Variants in CPS1 observed in about 807,000 individuals in gnomAD.
The protein encoded by CPS1 is carbamoyl-phosphate synthase [ammonia], mitochondrial.
Under a neutral mutation model 174.6 loss-of-function variants are expected in CPS1, and 109 were observed. The observed-to-expected ratio is 0.62, with a 90% confidence interval of 0.53 to 0.73. CPS1 has a LOEUF of 0.73. CPS1 is among the 30% of genes least tolerant of loss of function. The pLI, the probability that CPS1 is intolerant of heterozygous loss-of-function variation, is 0.00. For missense variants in CPS1, 1,689 were observed against 1,821.9 expected, an observed-to-expected ratio of 0.93 and a Z score of 1.33; for synonymous variants, 637 against 632.0, an observed-to-expected ratio of 1.01 and a Z score of -0.12.
chr2:210,478,826 G>T (rs62203673), intron 1 of CPS1, among the ~76,000 whole-genome samples: 64,008 of 151,544 alleles, frequency 0.42, 15,144 homozygotes, highest in East Asian at 0.61. Flanking sequence ...GAATTATTTA[G>T]AATTTAAATA....
chr2:210,672,306 A>G (rs1425132359), intron 34 of CPS1: 1 of 152,182 alleles, frequency 6.6e-6, no homozygotes, highest in Non-Finnish European at 1.5e-5. Context: ...AAGATTGAGG[A>G]AAGTTGAGTG....
chr2:210,526,657 A>G lies in CPS1; in HGVS notation c.4-30062A>G, dbSNP rs549632267. Among the ~76,000 whole-genome samples, 18 of 152,034 alleles carry G rather than the reference A, an allele frequency of 1.2e-4. No homozygotes were observed. The East Asian group carries it at 2.9e-3, about 25-fold the overall frequency. The stretch of plus-strand genomic sequence containing the variant: ...CCCTACCCCACACACCCTGAAATCT[A>G]TCACAAGAGCCATAAAACTAGAGGT... On this transcript the variant is annotated intron_variant, in intron 1 of 38. Coordinates refer to the CPS1 transcript ENST00000430249.
intron 2 of CPS1, among the ~76,000 whole-genome samples, chr2:210,575,654 G>A (rs1421749599): frequency 6.6e-6 from 1 of 151,860 alleles, no homozygotes; most frequent in Non-Finnish European, 1.5e-5. Flanking sequence ...TTTTAACTTA[G>A]AAGTCAGAAA....
chr2:210,516,224 G>A (rs1482680669), intron 1 of CPS1, among the ~76,000 whole-genome samples: 5 of 151,766 alleles, frequency 3.3e-5, no homozygotes, highest in African/African-American at 1.2e-4. Context: ...CATTTGTCAA[G>A]TGTCATATTT....
At chr2:210,579,809 G>GGT (rs35833900) in intron 5 of CPS1, 39 bp downstream of exon 5, 120,809 of 1,312,842 alleles carry the variant, frequency 0.092, 2,102 homozygotes, top group East Asian at 0.22. Context: ...TGTTTCTTCG[G>GGT]GTGTGTGTGT....
intron 9 of CPS1, among the ~76,000 whole-genome samples, 176 bp from the exon 10 acceptor site, chr2:210,591,655 T>C (rs1698301867): frequency 6.6e-6 from 1 of 152,092 alleles, no homozygotes; most frequent in African/African-American, 2.4e-5. Flanking sequence ...TTGATTTTTG[T>C]TGGGAAAATT....
Position 210,548,097 on chromosome 2 carries a change from C to G in CPS1, c.4-8622C>G, listed in dbSNP as rs571482828. 2.0e-5 allele frequency among the ~76,000 whole-genome samples: 3 copies of G among 152,042 alleles called. No individual in the cohort carries two copies. The South Asian group carries it at 6.2e-4, about 32-fold the overall frequency. On this transcript the variant is annotated intron_variant, in intron 1 of 38. Coordinates refer to the CPS1 transcript ENST00000430249. ...TGCAGTTATTTTTAGCACAAATATT[C>G]TAATGTGAAAAGAATTTCTTTTTCT... is the stretch of plus-strand genomic sequence containing the variant.
chr2:210,575,714 C>A (rs1376468863), intron 2 of CPS1, among the ~76,000 whole-genome samples: 1 of 151,960 alleles, frequency 6.6e-6, no homozygotes. Flanking sequence ...CAGATAATAA[C>A]TTTCAAACTT....
chr2:210,503,475 G>A (rs1695200392), intron 1 of CPS1, among the ~76,000 whole-genome samples: 1 of 152,142 alleles, frequency 6.6e-6, no homozygotes, highest in Non-Finnish European at 1.5e-5. Context: ...GCAGGTGTGT[G>A]TTCTCCCCTT....
intron 24 of CPS1, among the ~76,000 whole-genome samples, chr2:210,641,955 G>A (rs754489539): frequency 2.6e-5 from 4 of 152,166 alleles, no homozygotes; most frequent in Non-Finnish European, 5.9e-5. Flanking sequence ...GCCTTGCCAA[G>A]TTTAAAAGGA....
chr2:210,510,284 T>A (rs1162797288), intron 1 of CPS1, among the ~76,000 whole-genome samples: 1 of 152,146 alleles, frequency 6.6e-6, no homozygotes, highest in African/African-American at 2.4e-5. Context: ...GGGAAAGGAT[T>A]CCCTATTTAA....
intron 34 of CPS1, 41 bp from the exon 35 acceptor site, chr2:210,674,861 A>G: frequency 1.4e-6 from 2 of 1,465,356 alleles, no homozygotes; most frequent in South Asian, 1.1e-5. Context: ...AATGAAGAGC[A>G]TGTATATCTA....
At chr2:210,498,695 C>T (rs996434563) in intron 1 of CPS1, among the ~76,000 whole-genome samples, 2 of 152,128 alleles carry the variant, frequency 1.3e-5, no homozygotes, top group Non-Finnish European at 2.9e-5. Flanking sequence ...AGCTGGGAAA[C>T]CTTTCTGGCC....
chr2:210,638,363 C>T (rs563880193), intron 22 of CPS1, among the ~76,000 whole-genome samples: 1 of 152,132 alleles, frequency 6.6e-6, no homozygotes, highest in Admixed American at 6.5e-5. Context: ...GACAATCACG[C>T]ATGAACATTC....
At chr2:210,578,221 G>A (rs1382724402) in intron 4 of CPS1, among the ~76,000 whole-genome samples, 1 of 151,968 alleles carries the variant, frequency 6.6e-6, no homozygotes, top group Non-Finnish European at 1.5e-5. Context: ...CTATTCACCT[G>A]CTTCAGCCTC....
chr2:210,664,961 G>A (rs937618601), intron 33 of CPS1, among the ~76,000 whole-genome samples: 1 of 152,130 alleles, frequency 6.6e-6, no homozygotes, highest in Non-Finnish European at 1.5e-5. Context: ...ATAAGTAAGG[G>A]GCATTTTATG....
Position 210,608,563 on chromosome 2 carries a change from A to G in CPS1, c.2391+4A>G. 1 of 1,610,700 alleles carries G rather than the reference A, an allele frequency of 6.2e-7. No individual in the cohort carries two copies. The highest frequency in any genetic ancestry group is 8.5e-7 in the Non-Finnish European group (1 of 1,177,676). The stretch of plus-strand genomic sequence containing the variant: ...CTCTATGAAAAGTGTAGGAGAGGTG[A>G]GTCCTTGGTTTATTACGCTTTTCTT... On this transcript the variant is annotated splice_donor_region_variant and intron_variant, in intron 19 of 37. Transcript: ENST00000233072.
chr2:210,655,499 A>G (rs1373202184), intron 29 of CPS1, among the ~76,000 whole-genome samples: 1 of 150,270 alleles, frequency 6.7e-6, no homozygotes, highest in East Asian at 1.9e-4. Context: ...TGCTGAGCTC[A>G]GTGGGGTGGG....
Position 210,660,475 on chromosome 2 carries a change from A to G in CPS1, c.3757-10A>G. 1 of 1,613,788 alleles carries G rather than the reference A, an allele frequency of 6.2e-7. No homozygotes were observed. Among genetic ancestry groups the G allele is most frequent in the East Asian group, 2.2e-5 (1 of 44,854 alleles). On this transcript the variant is annotated splice_polypyrimidine_tract_variant and intron_variant, in intron 31 of 37. Coordinates refer to ENST00000233072, the MANE Select transcript of CPS1 (RefSeq NM_001875.5). ...TGTCCTCTTTCTCATTTTGAATTTT[A>G]TCTCTTCAGGTGATTGAGTGTAACT...
Sources: gnomAD v4.1 joint callset for allele counts (sites outside exome capture counted in the v4.1 genomes callset) on GRCh38, gnomAD v4.1.1 for gene constraint, MANE v1.5 for transcripts, NCBI Gene and HGNC (gene_info 2026-07-23, HGNC 2026-07-21) for gene names.